The following CGNL1 variants were observed in gnomAD, a reference collection of about 807,000 sequenced individuals.
The protein encoded by CGNL1 is cingulin-like protein 1.
Under a neutral mutation model 141.2 loss-of-function variants are expected in CGNL1, and 132 were observed. That is an observed-to-expected ratio of 0.93 (90% confidence interval 0.81 to 1.08). The LOEUF is 1.08. CGNL1 is among the 50% of genes least tolerant of loss of function. The pLI is 0.00. For missense variants in CGNL1, 1,870 were observed against 1,588.6 expected (o/e 1.18, Z -3.01); for synonymous variants, 690 against 622.1 (o/e 1.11, Z -1.63).
intron 1 of CGNL1, among the ~76,000 whole-genome samples, chr15:57,392,730 C>A (rs1219518609): frequency 6.6e-6 from 1 of 152,130 alleles, no homozygotes; most frequent in Non-Finnish European, 1.5e-5. Flanking sequence ...GAGGGTAGAG[C>A]AAAGGCAAGA....
At chr15:57,472,935 C>T (rs1178995052) in intron 8 of CGNL1, among the ~76,000 whole-genome samples, 1 of 152,130 alleles carries the variant, frequency 6.6e-6, no homozygotes, top group African/African-American at 2.4e-5. Context: ...GAGAAAGTAA[C>T]GTAGTGGGGT....
At chr15:57,400,015 A>G (rs1338934795) in intron 1 of CGNL1, among the ~76,000 whole-genome samples, 6 of 125,170 alleles carry the variant, frequency 4.8e-5, no homozygotes, top group Middle Eastern at 8.8e-3. Context: ...TTTTTTTTTA[A>G]TGGGGTCTCA....
chr15:57,518,371 C>G (rs768421267), intron 9 of CGNL1, 22 bp from the exon 10 acceptor site: 2 of 1,553,854 alleles, frequency 1.3e-6, no homozygotes. Flanking sequence ...TAAGTGCACA[C>G]TGACCCAGTG....
At chr15:57,459,638 G>A (rs1371554572) in intron 7 of CGNL1, among the ~76,000 whole-genome samples, 1 of 152,158 alleles carries the variant, frequency 6.6e-6, no homozygotes, top group Non-Finnish European at 1.5e-5. Flanking sequence ...AGTGGTTATC[G>A]TAAACCACCT....
At chr15:57,511,773 A>G (rs2030327497) in intron 8 of CGNL1, among the ~76,000 whole-genome samples, 1 of 152,226 alleles carries the variant, frequency 6.6e-6, no homozygotes, top group African/African-American at 2.4e-5. Flanking sequence ...GGTGTTTTCA[A>G]CTTTTTGGAG....
At chr15:57,476,143 G>A (rs922522275) in intron 8 of CGNL1, among the ~76,000 whole-genome samples, 1 of 152,128 alleles carries the variant, frequency 6.6e-6, no homozygotes, top group Non-Finnish European at 1.5e-5. Context: ...TTCGGTGTGG[G>A]GCATGAGAAG....
At chr15:57,440,504 T>C in intron 3 of CGNL1, 33 bp downstream of exon 3, 1 of 1,464,968 alleles carries the variant, frequency 6.8e-7, no homozygotes, top group Non-Finnish European at 9.4e-7. Context: ...GAGCAAAGTA[T>C]TGTTGTTTCT....
At chr15:57,384,250 A>G (rs1301997478) in intron 1 of CGNL1, among the ~76,000 whole-genome samples, 20 of 152,212 alleles carry the variant, frequency 1.3e-4, no homozygotes, top group East Asian at 5.8e-4. Context: ...CAAAAGAGGG[A>G]GAGAGTTGCC....
intron 8 of CGNL1, among the ~76,000 whole-genome samples, chr15:57,480,335 T>G (rs2063710329): frequency 7.4e-6 from 1 of 134,604 alleles, no homozygotes; most frequent in African/African-American, 3.3e-5. Context: ...CTGGCCAACA[T>G]AGTAAAACCC....
At chr15:57,544,752 G>A (rs2032764784) in intron 16 of CGNL1, among the ~76,000 whole-genome samples, 155 bp downstream of exon 16, 1 of 152,220 alleles carries the variant, frequency 6.6e-6, no homozygotes, top group South Asian at 2.1e-4. Context: ...CCATTTTATA[G>A]GTGGGAAAAC....
At chr15:57,496,696 C>T (rs2063943772) in intron 8 of CGNL1, among the ~76,000 whole-genome samples, 1 of 152,148 alleles carries the variant, frequency 6.6e-6, no homozygotes, top group South Asian at 2.1e-4. Context: ...AGGATGAAAG[C>T]ATGAGCCCTG....
Position 57,438,359 on chromosome 15 carries a change from C to A in CGNL1, c.360C>A (p.Pro120=), listed in dbSNP as rs1280393. 7.4e-6 allele frequency: 12 copies of A among 1,614,128 alleles called. No individual in the cohort carries two copies. The highest frequency in any genetic ancestry group is 1.0e-5 in the Non-Finnish European group (12 of 1,180,038). The change falls in exon 2 of 19, where the codon CCC becomes CCA. Residue 120 remains proline (P), a synonymous_variant. Transcript: ENST00000281282. ...GCCCAATAAGAAACCTGAAACAGCC[C>A]CTGCTCCATGAGGGCAAGAATGGAG... ...QPSPIRNLKQ[P]LLHEGKNGVL...
At chr15:57,473,899 C>CTTTTTTTT (rs59761174) in intron 8 of CGNL1, among the ~76,000 whole-genome samples, 1 of 70,682 alleles carries the variant, frequency 1.4e-5, no homozygotes, top group Non-Finnish European at 2.5e-5. Context: ...TCTTCTTCTT[C>CTTTTTTTT]TTTTTTTTTT....
intron 14 of CGNL1, among the ~76,000 whole-genome samples, chr15:57,532,387 A>G (rs973771737): frequency 1.3e-5 from 2 of 152,172 alleles, no homozygotes; most frequent in African/African-American, 4.8e-5. Flanking sequence ...TTTCCTCGTG[A>G]TCTCACTGCT....
At chr15:57,431,501 C>T (rs1163019262) in intron 1 of CGNL1, among the ~76,000 whole-genome samples, 1 of 152,188 alleles carries the variant, frequency 6.6e-6, no homozygotes, top group African/African-American at 2.4e-5. Flanking sequence ...TGGCTTTCCA[C>T]ACCCTGATCT....
chr15:57,377,200 G>C (rs2062373486), intron 1 of CGNL1: 1 of 152,214 alleles, frequency 6.6e-6, no homozygotes, highest in Non-Finnish European at 1.5e-5. Flanking sequence ...AGTTACACAG[G>C]ATTTTTGAAA....
At chr15:57,471,356 C>T (rs779530000) in intron 8 of CGNL1, among the ~76,000 whole-genome samples, 2 of 152,158 alleles carry the variant, frequency 1.3e-5, no homozygotes, top group Non-Finnish European at 2.9e-5. Context: ...TAGGAGGATC[C>T]CTCACATGGA....
intron 14 of CGNL1, among the ~76,000 whole-genome samples, chr15:57,535,403 A>T (rs1297243914): frequency 6.6e-6 from 1 of 152,238 alleles, no homozygotes; most frequent in Non-Finnish European, 1.5e-5. Context: ...GCAGCTAATG[A>T]GGGAAAGACC....
In CGNL1 at chr15:57,524,659, C is replaced by T. The variant is rs775683696; in HGVS notation, c.2947C>T (p.Arg983Cys). ...GCTGGATGAGTATAAGGAGAAAAAC[C>T]GCAGGGAGCTCGCAGAAATGCAAAG... ...NQLDEYKEKN[R>C]RELAEMQRQL... is the part of the protein sequence containing the mutation. Residue 983 changes from arginine (R) to cysteine (C), a missense_variant, in exon 12 of 19, where the codon CGC (arginine) becomes TGC (cysteine). Physicochemically the swap from Arg to Cys is radical, Grantham distance 180 (BLOSUM62 -3). Coordinates refer to ENST00000281282, the MANE Select transcript of CGNL1 (RefSeq NM_032866.5). 8.1e-6 allele frequency: 13 copies of T among 1,614,172 alleles called. No homozygotes were observed. The highest frequency in any genetic ancestry group is 4.5e-5 in the East Asian group (2 of 44,888).
Sources: gnomAD v4.1 joint callset for allele counts (sites outside exome capture counted in the v4.1 genomes callset) on GRCh38, gnomAD v4.1.1 for gene constraint, MANE v1.5 for transcripts, NCBI Gene and HGNC (gene_info 2026-07-23, HGNC 2026-07-21) for gene names.